The following NR1D1 variants were observed in gnomAD, a reference collection of about 807,000 sequenced individuals.
The protein encoded by NR1D1 is Rev-ErbAalpha.
A neutral mutation model predicts 51.1 loss-of-function variants in NR1D1; 17 were observed. That is an observed-to-expected ratio of 0.33 (90% confidence interval 0.23 to 0.50). The LOEUF (loss-of-function observed/expected upper bound fraction) is 0.50, where lower values mean the gene tolerates loss of function less well. NR1D1 is among the 20% of genes least tolerant of loss of function. The pLI, the probability that NR1D1 is intolerant of heterozygous loss-of-function variation, is 0.98. For missense variants in NR1D1, 647 were observed against 830.4 expected, an observed-to-expected ratio of 0.78 and a Z score of 2.71; for synonymous variants, 341 against 333.4, an observed-to-expected ratio of 1.02 and a Z score of -0.25.
At position 40,094,982 on chromosome 17, in the gene NR1D1, G is replaced by A; in HGVS notation, c.1387C>T (p.Leu463Phe). ...FAKHIPGFRD[L>F]SQHDQVTLLK... ...AGGGTGACTTGGTCATGCTGAGAAAGGTCACGGAAGCCCGGGATGTGTTTG... is the reference window on the plus strand; with the variant it reads ...AGGGTGACTTGGTCATGCTGAGAAAAGTCACGGAAGCCCGGGATGTGTTTG... Residue 463 changes from leucine to phenylalanine, a missense_variant, in exon 6 of 8, where the codon CTT (leucine) becomes TTT (phenylalanine). Leu to Phe is a conservative substitution (Grantham distance 22). Coordinates refer to ENST00000246672, the MANE Select transcript of NR1D1 (RefSeq NM_021724.5). The A allele has an allele frequency of 6.2e-7, 1 of 1,614,180 alleles. No individual in the cohort carries two copies. The highest frequency in any genetic ancestry group is 8.5e-7 in the Non-Finnish European group (1 of 1,180,046).
chr17:40,096,708 C>G lies in NR1D1; in HGVS notation c.442G>C (p.Ala148Pro). 2.5e-6 allele frequency: 4 copies of G among 1,614,198 alleles called. No individual in the cohort carries two copies. Among genetic ancestry groups the G allele is most frequent in the Non-Finnish European group, 3.4e-6 (4 of 1,180,030 alleles). The stretch of plus-strand genomic sequence containing the variant: ...CGCCTCACCTTGCAGCCCTCGCAGG[C>G]GTGCACACCGTAGTGGAAGCCCGAG... ...VASGFHYGVH[A>P]CEGCKGFFRR... is the part of the protein sequence containing the mutation. Residue 148 changes from alanine (A) to proline (P), a missense_variant, in exon 3 of 8, where the codon GCC becomes CCC. Physicochemically the swap from Ala to Pro is conservative, Grantham distance 27. Around this residue, in one of 7 missense-constraint regions of NR1D1, gnomAD observed 70 missense variants for 134.8 expected, o/e 0.52. Coordinates refer to ENST00000246672, the MANE Select transcript of NR1D1 (RefSeq NM_021724.5).
chr17:40,093,142 G>T lies in NR1D1; in HGVS notation c.1786C>A (p.Arg596=). The change falls in exon 8 of 8, where the codon CGG becomes AGG. Residue 596 remains arginine, a synonymous_variant. Transcript: ENST00000246672. This position sits in a 1 kb window ranked among gnomAD's most constrained non-coding sequence, Gnocchi z 5.9. The part of the protein sequence containing the change: ...TKLLLKLPDL[R]TLNNMHSEKL... ...TCGGAATGCATGTTGTTCAGGGTCCGCAGGTCCGGCAGCTTGAGCAGCAGC... is the reference window on the plus strand; with the variant it reads ...TCGGAATGCATGTTGTTCAGGGTCCTCAGGTCCGGCAGCTTGAGCAGCAGC... 6.2e-7 allele frequency: 1 copy of T among 1,614,088 alleles called. No homozygotes were observed. The highest frequency in any genetic ancestry group is 1.1e-5 in the South Asian group (1 of 91,084).
In NR1D1 at chr17:40,096,758, A is replaced by G. The variant is rs199684899; in HGVS notation, c.392T>C (p.Leu131Pro). The part of the protein sequence containing the change: ...NITKLNGMVL[L>P]CKVCGDVASG... ...GGCAACGTCCCCACACACTTTACAC[A>G]GTAACACCATGCCATTCAGCTCTGT... Residue 131 changes from leucine to proline, a missense_variant, in exon 3 of 8, where the codon CTG (leucine) becomes CCG (proline). By Grantham distance (98) the Leu-to-Pro change is moderately conservative (BLOSUM62 -3). Transcript: ENST00000246672. 3.7e-6 allele frequency: 6 copies of G among 1,614,218 alleles called. No individual in the cohort carries two copies. The highest frequency in any genetic ancestry group is 1.6e-4 in the Middle Eastern group (1 of 6,062).
intron 4 of NR1D1, 152 bp from the exon 5 acceptor site, chr17:40,096,239 C>A: frequency 7.4e-7 from 1 of 1,350,676 alleles, no homozygotes; most frequent in Admixed American, 2.3e-5. Context: ...GGGGGTTTCC[C>A]TAGGAGGGAT....
intron 5 of NR1D1, 35 bp downstream of exon 5, chr17:40,095,409 C>T: frequency 6.6e-7 from 1 of 1,510,108 alleles, no homozygotes; most frequent in Non-Finnish European, 8.8e-7. Context: ...CCCCCCCAAT[C>T]TTCTTAACGC....
rs1258978070 is a variant in NR1D1 at position 40,095,951 on chromosome 17, T to C, written c.741A>G (p.Pro247=). The change falls in exon 5 of 8, where the codon CCA becomes CCG. Residue 247 remains proline, a synonymous_variant. Coordinates refer to ENST00000246672, the MANE Select transcript of NR1D1 (RefSeq NM_021724.5). ...GGGGTGGCGAGGGGCCCATGGGGCCTGGGGTGGGGTGCTGGGTGGGTGAAG... is the reference window on the plus strand; with the variant it reads ...GGGGTGGCGAGGGGCCCATGGGGCCCGGGGTGGGGTGCTGGGTGGGTGAAG... The part of the protein sequence containing the change: ...LETSPTQHPT[P]GPMGPSPPPA... The C allele has an allele frequency of 4.9e-5, 67 of 1,361,116 alleles. No homozygotes were observed. The highest frequency in any genetic ancestry group is 6.6e-5 in the Non-Finnish European group (66 of 1,006,332). The allele number at this position is 1,361,116 out of a possible 1,614,324, so 84.3% of individuals were successfully genotyped here. A position where few individuals can be genotyped will look rare whatever the true frequency, so the allele number is the denominator to read the frequency against.
intron 1 of NR1D1, among the ~76,000 whole-genome samples, chr17:40,098,366 A>C (rs1449833833): frequency 6.6e-6 from 1 of 152,220 alleles, no homozygotes; most frequent in African/African-American, 2.4e-5. Context: ...CCACTGACAC[A>C]CACTGAACTG....
At position 40,096,511 on chromosome 17, in the gene NR1D1, C is replaced by T; in HGVS notation, c.536G>A (p.Arg179His). ...TTGCTGGCAGCGGTTGCGATTGATG[C>T]GGACGATGGAGCAATTCTCATTCTT... Reference protein sequence around the residue: ...CLKNENCSIVRINRNRCQQCR... With the variant: ...CLKNENCSIVHINRNRCQQCR... Residue 179 changes from arginine (R) to histidine (H), a missense_variant, in exon 4 of 8, where the codon CGC becomes CAC. Physicochemically the swap from Arg to His is conservative, Grantham distance 29 (BLOSUM62 0). Transcript: ENST00000246672. 3 of 1,614,204 alleles carry T rather than the reference C, an allele frequency of 1.9e-6. No homozygotes were observed. Among genetic ancestry groups the T allele is most frequent in the Non-Finnish European group, 1.7e-6 (2 of 1,180,032 alleles).
chr17:40,093,988 G>A lies in NR1D1; in HGVS notation c.1569C>T (p.Phe523=), dbSNP rs146595131. The A allele has an allele frequency of 1.2e-6, 2 of 1,614,044 alleles. No homozygotes were observed. Among genetic ancestry groups the A allele is most frequent in the East Asian group, 4.5e-5 (2 of 44,886 alleles). ...MGDLLSAMFD[F]SEKLNSLALT... ...GCGCCAGGGAGTTGAGCTTCTCGCT[G>A]AAGTCGAACATGGCACTGAGCAGGT... The change falls in exon 7 of 8, where the codon TTC becomes TTT. Residue 523 remains phenylalanine (F), a synonymous_variant. Transcript: ENST00000246672. The surrounding 1 kb of genome is among the most constrained non-coding windows in gnomAD (Gnocchi z 5.9).
At chr17:40,099,299 C>T (rs572744458) in intron 1 of NR1D1, among the ~76,000 whole-genome samples, 1 of 152,342 alleles carries the variant, frequency 6.6e-6, no homozygotes, top group Non-Finnish European at 1.5e-5. Flanking sequence ...ATAGCAGGGC[C>T]AGGACAACCT....
rs776458266 is a variant in NR1D1, at chr17:40,095,851, G to A, written c.841C>T (p.Pro281Ser). ...QQLTPPRSPS[P>S]EPTVEDVISQ... ...ATCACATCCTCCACTGTGGGCTCAGGGCTTGGGGATCTGGGAGGCGTCAGC... is the reference window on the plus strand; with the variant it reads ...ATCACATCCTCCACTGTGGGCTCAGAGCTTGGGGATCTGGGAGGCGTCAGC... Residue 281 changes from proline to serine, a missense_variant, in exon 5 of 8, where the codon CCT (proline) becomes TCT (serine). Coordinates refer to ENST00000246672, the MANE Select transcript of NR1D1 (RefSeq NM_021724.5). 5.6e-6 allele frequency: 9 copies of A among 1,613,930 alleles called. No homozygotes were observed. Among genetic ancestry groups the A allele is most frequent in the African/African-American group, 1.3e-5 (1 of 74,896 alleles).
intron 5 of NR1D1, 66 bp downstream of exon 5, chr17:40,095,378 C>CACTA (rs1222352412): frequency 6.6e-7 from 1 of 1,506,438 alleles, no homozygotes; most frequent in African/African-American, 1.4e-5. Context: ...AGCTGCCCTA[C>CACTA]ACTAAGTCCA....
chr17:40,094,302 C>T (rs919113715), intron 6 of NR1D1, among the ~76,000 whole-genome samples, 180 bp from the exon 7 acceptor site: 3 of 152,140 alleles, frequency 2.0e-5, no homozygotes, highest in African/African-American at 4.8e-5. Flanking sequence ...TCCAATAAGC[C>T]TGAATCTGAG....
At chr17:40,095,266 GC>G in intron 5 of NR1D1, 146 bp from the exon 6 acceptor site, 1 of 1,128,212 alleles carries the variant, frequency 8.9e-7, no homozygotes, top group Non-Finnish European at 1.2e-6. Context: ...GCAATTAGGT[GC>G]CAGGTGGAGA....
rs768355480 is a variant in NR1D1 at position 40,095,070 on chromosome 17, C to T, written c.1299G>A (p.Gln433=). 5 of 1,613,962 alleles carry T rather than the reference C, an allele frequency of 3.1e-6. No individual in the cohort carries two copies. Among genetic ancestry groups the T allele is most frequent in the Non-Finnish European group, 4.2e-6 (5 of 1,180,044 alleles). The change falls in exon 6 of 8, where the codon CAG becomes CAA. Residue 433 remains glutamine, a synonymous_variant. Coordinates refer to ENST00000246672, the MANE Select transcript of NR1D1 (RefSeq NM_021724.5). ...TCATGGAGAAATCCTCCCAGATCTCCTGCACCGTTCGCCCACTGCGTCCAT... is the reference window on the plus strand; with the variant it reads ...TCATGGAGAAATCCTCCCAGATCTCTTGCACCGTTCGCCCACTGCGTCCAT... ...YPHGRSGRTV[Q]EIWEDFSMSF...
chr17:40,095,534 G>A lies in NR1D1; in HGVS notation c.1158C>T (p.His386=), dbSNP rs1339882647. The change falls in exon 5 of 8, where the codon CAC becomes CAT. Residue 386 remains histidine, a synonymous_variant. Transcript: ENST00000246672. ...CATACACGTGGGTGGGGCATAGACG[G>A]TGCCCGTTGCTGTTGGACTGGTGGC... ...HSCHQSNSNG[H]RLCPTHVYAA... is the part of the protein sequence containing the mutation. 6.2e-7 allele frequency: 1 copy of A among 1,602,134 alleles called. No individual in the cohort carries two copies. The highest frequency in any genetic ancestry group is 2.2e-5 in the East Asian group (1 of 44,728).
Position 40,093,013 on chromosome 17 carries a change from C to G in NR1D1, c.*70G>C. 6.2e-7 allele frequency: 1 copy of G among 1,605,534 alleles called. No homozygotes were observed. Reference sequence around the variant, plus strand: ...TCTGGTTTGCTTTTCCTTTTCGTCTCGTAAAGGAGAGAGAAGTGCAGAGTT... The same window carrying G: ...TCTGGTTTGCTTTTCCTTTTCGTCTGGTAAAGGAGAGAGAAGTGCAGAGTT... On this transcript the variant is annotated 3_prime_UTR_variant, in exon 8 of 8. Coordinates refer to ENST00000246672, the MANE Select transcript of NR1D1 (RefSeq NM_021724.5). The surrounding 1 kb of genome is among the most constrained non-coding windows in gnomAD (Gnocchi z 5.9).
At chr17:40,099,509 G>T (rs949893108) in intron 1 of NR1D1, among the ~76,000 whole-genome samples, 3 of 152,142 alleles carry the variant, frequency 2.0e-5, no homozygotes, top group African/African-American at 7.2e-5. Context: ...CCTCCCTCGG[G>T]CCGGGCACCA....
intron 1 of NR1D1, among the ~76,000 whole-genome samples, chr17:40,097,689 C>T (rs1987792735): frequency 6.6e-6 from 1 of 152,152 alleles, no homozygotes; most frequent in Admixed American, 6.5e-5. Flanking sequence ...TAGTTGCCTT[C>T]CTTGGGAATA....
Sources: gnomAD v4.1 joint callset for allele counts (sites outside exome capture counted in the v4.1 genomes callset) on GRCh38, gnomAD v4.1.1 for gene constraint, gnomAD v4.1.1 regional missense constraint, Gnocchi (gnomAD v3.1) non-coding constraint, MANE v1.5 for transcripts, NCBI Gene and HGNC (gene_info 2026-07-23, HGNC 2026-07-21) for gene names.